The following LAMA5 variants were observed in gnomAD, a reference collection of about 807,000 sequenced individuals.
LAMA5 encodes laminin subunit alpha-5.
LAMA5 carries 260 observed loss-of-function variants against 433.4 expected under a neutral mutation model. That is an observed-to-expected ratio of 0.60 (90% CI 0.54 to 0.66). The LOEUF is 0.66. LAMA5 is among the 30% of genes least tolerant of loss of function. The pLI is 0.00. For synonymous variants in LAMA5, 2,620 were observed against 2,226.6 expected, an observed-to-expected ratio of 1.18 and a Z score of -4.97; for missense variants, 5,378 against 5,258.5, an observed-to-expected ratio of 1.02 and a Z score of -0.70.
At chr20:62,311,879 C>T in intron 70 of LAMA5, 41 bp downstream of exon 70, 2 of 1,575,632 alleles carry the variant, frequency 1.3e-6, no homozygotes, top group Middle Eastern at 1.7e-4. Context: ...GGCGGGCGTC[C>T]CTCCAGACCT....
chr20:62,311,076 G>A lies in LAMA5; in HGVS notation c.10107C>T (p.His3369=), dbSNP rs145809384. 22 of 1,582,808 alleles carry A rather than the reference G, an allele frequency of 1.4e-5. No homozygotes were observed. Among genetic ancestry groups the A allele is most frequent in the African/African-American group, 9.5e-5 (7 of 73,974 alleles). ...RHRNWPSLSM[H]VLPRSSRGLL... Reference sequence around the variant, plus strand: ...GGCCTCGGGAGCTTCGCGGGAGGACGTGCATGGAGAGACTGGGCCTGGAAG... The same window carrying A: ...GGCCTCGGGAGCTTCGCGGGAGGACATGCATGGAGAGACTGGGCCTGGAAG... Residue 3369 remains histidine (H), a synonymous_variant, in exon 74 of 80, where the codon CAC becomes CAT. Transcript: ENST00000252999.
intron 3 of LAMA5, chr20:62,352,882 C>A (rs1984572939): frequency 2.1e-6 from 1 of 472,264 alleles, no homozygotes; most frequent in East Asian, 3.7e-5. Flanking sequence ...ATGAAGCCAT[C>A]CAGAGGCAGC....
intron 17 of LAMA5, 56 bp from the exon 18 acceptor site, chr20:62,336,501 A>ACCATAGAG (rs1981656674): frequency 1.4e-6 from 2 of 1,450,806 alleles, no homozygotes; most frequent in Non-Finnish European, 1.9e-6. Flanking sequence ...CCACCCACAA[A>ACCATAGAG]CCATAGAGCC....
chr20:62,351,883 C>T, intron 5 of LAMA5, 26 bp downstream of exon 5: 2 of 1,577,956 alleles, frequency 1.3e-6, no homozygotes, highest in South Asian at 1.1e-5. Context: ...AGTCCCCCTC[C>T]CCCGCCTGCG....
Position 62,313,635 on chromosome 20 carries a change from C to T in LAMA5, c.8658+14G>A. 1 of 1,611,878 alleles carries T rather than the reference C, an allele frequency of 6.2e-7. No individual in the cohort carries two copies. Among genetic ancestry groups the T allele is most frequent in the Non-Finnish European group, 8.5e-7 (1 of 1,179,596 alleles). On this transcript the variant is annotated intron_variant, in intron 63 of 79. Transcript: ENST00000252999. ...GGAGCCCCTCCCAGGCTGCCCCAGG[C>T]CGGGCGGGCTCACCGTGAAGGTACT...
rs1442777146 is a variant in LAMA5 at position 62,333,556 on chromosome 20, T to C, written c.3021+8A>G. The C allele has an allele frequency of 1.9e-6, 3 of 1,565,550 alleles. No homozygotes were observed. Among genetic ancestry groups the C allele is most frequent in the Middle Eastern group, 1.7e-4 (1 of 5,994 alleles). ...GGCCCCCAGCCCTCACTCTGGCCCC[T>C]GCCTCACCAGGAGCACCCCTTCGGC... On this transcript the variant is annotated splice_region_variant and intron_variant, in intron 24 of 79. Coordinates refer to ENST00000252999, the MANE Select transcript of LAMA5 (RefSeq NM_005560.6).
rs540247856 is a variant in LAMA5, at chr20:62,334,003, C to A, written c.2776G>T (p.Asp926Tyr). Residue 926 changes from aspartate to tyrosine, a missense_variant, in exon 23 of 80, where the codon GAC becomes TAC. Coordinates refer to ENST00000252999, the MANE Select transcript of LAMA5 (RefSeq NM_005560.6). ...IVARLNLTSP[D>Y]LFWLVFRYVN... ...TATCGGAAGACGAGCCAGAAAAGGTCAGGGGAGGTCAGGTTCAGCCTGGCC... is the reference window on the plus strand; with the variant it reads ...TATCGGAAGACGAGCCAGAAAAGGTAAGGGGAGGTCAGGTTCAGCCTGGCC... 6.2e-7 allele frequency: 1 copy of A among 1,612,968 alleles called. No individual in the cohort carries two copies. Among genetic ancestry groups the A allele is most frequent in the Admixed American group, 1.7e-5 (1 of 59,998 alleles).
chr20:62,322,874 C>T (rs1053904547), intron 45 of LAMA5, 116 bp from the exon 46 acceptor site: 21 of 642,132 alleles, frequency 3.3e-5, no homozygotes, highest in Middle Eastern at 4.3e-4. Context: ...CCAGGCCGCC[C>T]GGACCACCCG....
At chr20:62,328,188 A>C in intron 35 of LAMA5, 53 bp downstream of exon 35, 8 of 1,534,044 alleles carry the variant, frequency 5.2e-6, no homozygotes, top group Non-Finnish European at 7.0e-6. Context: ...GCTAGAGGAA[A>C]TGCTGTCCTT....
At position 62,349,424 on chromosome 20, in the gene LAMA5, G is replaced by A. The variant is rs368250037; in HGVS notation, c.956+2280C>T. Among the ~76,000 whole-genome samples, 27 of 151,666 alleles carry A rather than the reference G, an allele frequency of 1.8e-4. 1 individual carries two copies. In the East Asian group the frequency reaches 5.1e-3, roughly 29 times the overall value. ...ACCCACAGAGGATCAGCAACTGCAAGGACAATGGACTCTCCCAAGCACCTG... is the reference window on the plus strand; with the variant it reads ...ACCCACAGAGGATCAGCAACTGCAAAGACAATGGACTCTCCCAAGCACCTG... On this transcript the variant is annotated intron_variant, in intron 6 of 79. Transcript: ENST00000252999.
At chr20:62,332,868 G>A (rs1372236222) in intron 26 of LAMA5, 151 bp from the exon 27 acceptor site, 2 of 1,081,208 alleles carry the variant, frequency 1.8e-6, no homozygotes, top group South Asian at 1.6e-5. Context: ...GGTGGGGGCT[G>A]AGCTGTATGT....
rs1204180722 is a variant in LAMA5, at chr20:62,345,897, A to G, written c.1418-20T>C. 1.0e-5 allele frequency: 16 copies of G among 1,557,208 alleles called. No homozygotes were observed. The highest frequency in any genetic ancestry group is 1.0e-5 in the Non-Finnish European group (12 of 1,150,392). On this transcript the variant is annotated intron_variant, in intron 10 of 79. Transcript: ENST00000252999. ...GCGTCGCTGAGGGGAAGAGACACGC[A>G]TGTTGGCCAGGTCTGCTCAGAACCC... is the stretch of plus-strand genomic sequence containing the variant.
Position 62,314,745 on chromosome 20 carries a change from A to T in LAMA5, c.8197-20T>A. On this transcript the variant is annotated intron_variant, in intron 60 of 79. Transcript: ENST00000252999. ...CTTGACCTGCGGGGCACGGTCCATC[A>T]GCGTCCACCACCACCCTCCCTGATG... 1.2e-6 allele frequency: 2 copies of T among 1,612,528 alleles called. No individual in the cohort carries two copies. Among genetic ancestry groups the T allele is most frequent in the African/African-American group, 2.7e-5 (2 of 75,012 alleles).
chr20:62,354,195 C>T (rs1984801412), intron 2 of LAMA5, among the ~76,000 whole-genome samples: 1 of 152,078 alleles, frequency 6.6e-6, no homozygotes, highest in Non-Finnish European at 1.5e-5. Flanking sequence ...TTGTACACCT[C>T]CTCAGAGAAG....
chr20:62,323,888 C>G (rs756254864), intron 43 of LAMA5, 32 bp from the exon 44 acceptor site: 1 of 1,575,132 alleles, frequency 6.3e-7, no homozygotes, highest in Non-Finnish European at 8.6e-7. Flanking sequence ...GTCACTAGGC[C>G]CCTGGCAGTG....
intron 23 of LAMA5, 74 bp from the exon 24 acceptor site, chr20:62,333,780 G>T: frequency 1.3e-6 from 2 of 1,485,320 alleles, no homozygotes; most frequent in East Asian, 2.5e-5. Flanking sequence ...CTACAGGGTT[G>T]GGGATAGGCT....
Position 62,359,485 on chromosome 20 carries a change from TGGG to T in LAMA5, c.450+2912_450+2914del, listed in dbSNP as rs1371741922. Among the ~76,000 whole-genome samples, 3 of 151,062 alleles carry T rather than the reference TGGG, an allele frequency of 2.0e-5. No homozygotes were observed. Among genetic ancestry groups the T allele is most frequent in the Admixed American group, 6.6e-5 (1 of 15,222 alleles). The stretch of plus-strand genomic sequence containing the variant: ...CTCACCCTTCCCTGGGCCTGGGGCC[TGGG>T]GCCTGGGGCCTGGGTGTGGTTCTCG... On this transcript the variant is annotated intron_variant, in intron 2 of 79. Transcript: ENST00000252999. The surrounding 1 kb of genome is among the most constrained non-coding windows in gnomAD (Gnocchi z 4.3).
intron 11 of LAMA5, chr20:62,345,551 C>A: frequency 1.6e-6 from 1 of 608,822 alleles, no homozygotes; most frequent in South Asian, 1.6e-5. Flanking sequence ...GAACTACAGG[C>A]ACACATCACT....
intron 6 of LAMA5, 67 bp from the exon 7 acceptor site, chr20:62,347,095 C>T: frequency 1.6e-6 from 2 of 1,235,882 alleles, no homozygotes; most frequent in Non-Finnish European, 2.3e-6. Flanking sequence ...TCAGTCCCTT[C>T]CCTGAAGGGG....
Sources: gnomAD v4.1 joint callset for allele counts (sites outside exome capture counted in the v4.1 genomes callset) on GRCh38, gnomAD v4.1.1 for gene constraint, Gnocchi (gnomAD v3.1) non-coding constraint, MANE v1.5 for transcripts, NCBI Gene and HGNC (gene_info 2026-07-23, HGNC 2026-07-21) for gene names.